NCALD: variants seen among roughly 807,000 people sequenced by gnomAD.
NCALD encodes neurocalcin-delta.
NCALD carries 10 observed loss-of-function variants against 18.6 expected under a neutral mutation model. The ratio of observed to expected loss-of-function variants is 0.54; its 90% confidence interval spans 0.33 to 0.91. The LOEUF (loss-of-function observed/expected upper bound fraction) is 0.91, where lower values mean the gene tolerates loss of function less well. Among genes scored for constraint, NCALD ranks in the 40% least tolerant of loss-of-function variants. The probability of loss-of-function intolerance (pLI) is 0.03; values close to 1 mark genes in which losing one functional copy is unlikely to be tolerated. For missense variants in NCALD, 184 were observed against 247.6 expected, an observed-to-expected ratio of 0.74 and a Z score of 1.72; for synonymous variants, 88 against 87.4, an observed-to-expected ratio of 1.01 and a Z score of -0.04.
intron 4 of NCALD, among the ~76,000 whole-genome samples, chr8:101,842,055 C>G (rs1272384): frequency 0.24 from 37,117 of 152,032 alleles, 4,693 homozygotes; most frequent in South Asian, 0.3. Context: ...ATCAAGGTGT[C>G]AACAGGGTTG....
chr8:101,871,977 T>C (rs1816040016), intron 4 of NCALD: 1 of 795,928 alleles, frequency 1.3e-6, no homozygotes, highest in African/African-American at 1.7e-5. Context: ...CCAACTCATC[T>C]CTGGTCAGGT....
chr8:101,929,338 A>G (rs1471738239), intron 2 of NCALD, among the ~76,000 whole-genome samples: 2 of 55,164 alleles, frequency 3.6e-5, no homozygotes, highest in African/African-American at 1.6e-4. Context: ...CAAGGAAGGA[A>G]GGGAGGGAGG....
chr8:101,815,824 C>G (rs774124962), intron 4 of NCALD, among the ~76,000 whole-genome samples: 1 of 152,098 alleles, frequency 6.6e-6, no homozygotes, highest in Non-Finnish European at 1.5e-5. Flanking sequence ...AAACTGATGT[C>G]CAAACAAAAA....
At chr8:101,991,538 A>T (rs1586884109) in intron 2 of NCALD, among the ~76,000 whole-genome samples, 2 of 152,346 alleles carry the variant, frequency 1.3e-5, no homozygotes, top group East Asian at 3.9e-4. Context: ...AGACATAAAT[A>T]GTACCAATTC....
chr8:101,785,220 T>A (rs1812176435), intron 1 of NCALD, among the ~76,000 whole-genome samples: 1 of 152,224 alleles, frequency 6.6e-6, no homozygotes, highest in South Asian at 2.1e-4. Context: ...TTCCTAAGTG[T>A]TAGCTATTAT....
chr8:101,919,800 A>G (rs1204789388), intron 2 of NCALD, among the ~76,000 whole-genome samples: 1 of 152,236 alleles, frequency 6.6e-6, no homozygotes, highest in Non-Finnish European at 1.5e-5. Context: ...ATCACCAGTT[A>G]TCAGAGAAAT....
intron 2 of NCALD, among the ~76,000 whole-genome samples, chr8:101,960,130 G>A (rs1819784209): frequency 6.6e-6 from 1 of 152,136 alleles, no homozygotes; most frequent in Non-Finnish European, 1.5e-5. Context: ...TTGCAGGAAA[G>A]GACACTAAAG....
chr8:101,827,535 AG>A (rs1367867532), intron 4 of NCALD, among the ~76,000 whole-genome samples: 1 of 152,220 alleles, frequency 6.6e-6, no homozygotes, highest in Admixed American at 6.5e-5. Flanking sequence ...CCCAATAGCT[AG>A]AGACTTCTCA....
At chr8:101,965,245 C>A (rs1263532460) in intron 2 of NCALD, among the ~76,000 whole-genome samples, 1 of 152,066 alleles carries the variant, frequency 6.6e-6, no homozygotes, top group Non-Finnish European at 1.5e-5. Flanking sequence ...ACCATTTGAC[C>A]CAGCAATCCC....
intron 1 of NCALD, among the ~76,000 whole-genome samples, chr8:101,769,475 T>C (rs976707213): frequency 2.6e-5 from 4 of 152,170 alleles, no homozygotes; most frequent in African/African-American, 7.2e-5. Context: ...CCAAACCTAA[T>C]AGACCATATT....
intron 1 of NCALD, among the ~76,000 whole-genome samples, chr8:101,722,171 T>C (rs997404350): frequency 6.6e-6 from 1 of 152,184 alleles, no homozygotes; most frequent in Non-Finnish European, 1.5e-5. Flanking sequence ...CACCATTTTA[T>C]GCAAAAGCAA....
chr8:101,863,388 A>G (rs2131374873), intron 4 of NCALD, among the ~76,000 whole-genome samples: 1 of 152,196 alleles, frequency 6.6e-6, no homozygotes, highest in African/African-American at 2.4e-5. Flanking sequence ...TCTTGCTTTC[A>G]ATTTTTAAAA....
At chr8:101,826,282 G>C (rs1190159238) in intron 4 of NCALD, among the ~76,000 whole-genome samples, 1 of 152,140 alleles carries the variant, frequency 6.6e-6, no homozygotes, top group Non-Finnish European at 1.5e-5. Flanking sequence ...CATCTAAATG[G>C]GGCAAATTAG....
chr8:101,779,593 A>G (rs1436641483), intron 1 of NCALD, among the ~76,000 whole-genome samples: 1 of 152,176 alleles, frequency 6.6e-6, no homozygotes, highest in African/African-American at 2.4e-5. Context: ...GTCAAAGGGG[A>G]AGGTCACTAG....
At chr8:101,818,593 C>G (rs1360587494) in intron 4 of NCALD, among the ~76,000 whole-genome samples, 3 of 152,210 alleles carry the variant, frequency 2.0e-5, no homozygotes, top group African/African-American at 7.2e-5. Flanking sequence ...CTCTTCATCT[C>G]TTTTTCAGTT....
chr8:101,958,926 G>A (rs932834004), intron 2 of NCALD, among the ~76,000 whole-genome samples: 1 of 152,192 alleles, frequency 6.6e-6, no homozygotes, highest in Non-Finnish European at 1.5e-5. Context: ...CCGTTTGAAA[G>A]TAAGTTGCTG....
At chr8:101,845,975 G>A (rs929713411) in intron 4 of NCALD, among the ~76,000 whole-genome samples, 3 of 152,130 alleles carry the variant, frequency 2.0e-5, no homozygotes, top group African/African-American at 7.2e-5. Flanking sequence ...TAAACATAAT[G>A]TTCTGCATCC....
intron 4 of NCALD, among the ~76,000 whole-genome samples, chr8:101,848,306 G>A (rs1814951754): frequency 6.6e-6 from 1 of 152,116 alleles, no homozygotes; most frequent in African/African-American, 2.4e-5. Context: ...GAATAGGAAG[G>A]GAAAGGTGGA....
chr8:102,017,010 G>T (rs1487547829), intron 2 of NCALD, among the ~76,000 whole-genome samples: 1 of 151,926 alleles, frequency 6.6e-6, no homozygotes, highest in African/African-American at 2.4e-5. Context: ...ATGAGAGAGA[G>T]AAACTATAGA....
Sources: gnomAD v4.1 joint callset for allele counts (sites outside exome capture counted in the v4.1 genomes callset) on GRCh38, gnomAD v4.1.1 for gene constraint, MANE v1.5 for transcripts, NCBI Gene and HGNC (gene_info 2026-07-23, HGNC 2026-07-21) for gene names.